Variants in POP1 observed in about 807,000 individuals in gnomAD.
The protein encoded by POP1 is ribonucleases P/MRP protein subunit POP1.
Under a neutral mutation model 102.2 loss-of-function variants are expected in POP1, and 75 were observed. The observed-to-expected ratio is 0.73, with a 90% CI of 0.61 to 0.89. POP1 has a LOEUF of 0.89. Ranked by LOEUF, POP1 falls within the 40% of genes least tolerant of loss-of-function variation. The probability of loss-of-function intolerance (pLI) is 0.00; values close to 1 mark genes in which losing one functional copy is unlikely to be tolerated. For missense variants in POP1, 1,116 were observed against 1,267.4 expected, an observed-to-expected ratio of 0.88 and a Z score of 1.81; for synonymous variants, 436 against 464.1, an observed-to-expected ratio of 0.94 and a Z score of 0.78.
rs531038952 is a variant in POP1 at position 98,131,518 on chromosome 8, C to G, written c.735+1292C>G. Among the ~76,000 whole-genome samples, 3 of 152,208 alleles carry G rather than the reference C, an allele frequency of 2.0e-5. No homozygotes were observed. In the South Asian group the frequency reaches 6.2e-4, roughly 31 times the overall value. Reference sequence around the variant, plus strand: ...CATTTATCTGTCAGTGGACATTTGGCTTACTTCCACCTTTTGGCTATTGTA... The same window carrying G: ...CATTTATCTGTCAGTGGACATTTGGGTTACTTCCACCTTTTGGCTATTGTA... On this transcript the variant is annotated intron_variant, in intron 5 of 15. Transcript: ENST00000401707.
At position 98,153,531 on chromosome 8, in the gene POP1, C is replaced by CCCTTTTTTTTTTTTTTTTTTTTTTT. The variant is rs1430760385; in HGVS notation, c.2058-2519_2058-2518insCCTTTTTTTTTTTTTTTTTTTTTTT. Among the ~76,000 whole-genome samples the CCCTTTTTTTTTTTTTTTTTTTTTTT allele has an allele frequency of 9.8e-5, 8 of 81,236 alleles. 3 individuals are homozygous for CCCTTTTTTTTTTTTTTTTTTTTTTT. The highest frequency in any genetic ancestry group is 2.7e-4 in the Admixed American group (2 of 7,320). 53.3% of individuals were successfully genotyped at this position (81,236 alleles called of 152,430 possible). A position where few individuals can be genotyped will look rare whatever the true frequency, so the allele number is the denominator to read the frequency against. The stretch of plus-strand genomic sequence containing the variant: ...CAACTAGATTTACAAACAGTTCTGA[C>CCCTTTTTTTTTTTTTTTTTTTTTTT]TCTTTTTTTTTTTTTTTTTTTTTTT... On this transcript the variant is annotated intron_variant, in intron 14 of 15. Coordinates refer to ENST00000401707, the MANE Select transcript of POP1 (RefSeq NM_001145860.2).
chr8:98,123,318 G>A lies in POP1; in HGVS notation c.-2-18G>A, dbSNP rs369635935. 2 of 1,611,106 alleles carry A rather than the reference G, an allele frequency of 1.2e-6. No homozygotes were observed. The highest frequency in any genetic ancestry group is 2.7e-5 in the African/African-American group (2 of 74,912). On this transcript the variant is annotated intron_variant, in intron 1 of 15. Coordinates refer to ENST00000401707, the MANE Select transcript of POP1 (RefSeq NM_001145860.2). ...GAAGTTTCCTTTCCCTGTATTAAAT[G>A]TATTACTTCCTTTCCAGAAATGTCA...
chr8:98,132,975 G>A (rs1816424403), intron 5 of POP1, among the ~76,000 whole-genome samples: 1 of 147,602 alleles, frequency 6.8e-6, no homozygotes. Flanking sequence ...CTACCTGGGA[G>A]GCTGAGGCAG....
At chr8:98,155,561 G>C (rs765426674) in intron 14 of POP1, among the ~76,000 whole-genome samples, 40 of 151,714 alleles carry the variant, frequency 2.6e-4, no homozygotes, top group Non-Finnish European at 4.7e-4. Context: ...GGGATTACAA[G>C]CATGAGCCAC....
intron 11 of POP1, among the ~76,000 whole-genome samples, chr8:98,146,073 T>G (rs984290139): frequency 6.6e-6 from 1 of 152,144 alleles, no homozygotes; most frequent in Admixed American, 6.5e-5. Context: ...AGCCAGTAGT[T>G]GAAATATGAC....
chr8:98,139,094 G>A (rs573588194), intron 9 of POP1, among the ~76,000 whole-genome samples: 9 of 152,084 alleles, frequency 5.9e-5, no homozygotes, highest in Middle Eastern at 6.8e-3. Context: ...CAAGTGACCC[G>A]CCTGCCTCGG....
chr8:98,156,021 C>G (rs773820330), intron 14 of POP1, 29 bp from the exon 15 acceptor site: 11 of 1,573,274 alleles, frequency 7.0e-6, no homozygotes, highest in African/African-American at 1.4e-5. Flanking sequence ...AATTGTTCAA[C>G]ATTGGTTCTC....
intron 1 of POP1, among the ~76,000 whole-genome samples, chr8:98,121,512 GTTT>G (rs34259075): frequency 2.5e-5 from 3 of 119,688 alleles, no homozygotes; most frequent in African/African-American, 3.3e-5. Context: ...GGTTACACGG[GTTT>G]TTTTTTTTTT....
chr8:98,133,449 C>T (rs1003690482), intron 5 of POP1, among the ~76,000 whole-genome samples: 14 of 152,060 alleles, frequency 9.2e-5, no homozygotes, highest in African/African-American at 3.4e-4. Context: ...TATCTCTAGG[C>T]TTAGTGTTAA....
chr8:98,117,352 T>C lies in POP1; in HGVS notation c.-41T>C, dbSNP rs1815867391. 1 of 517,352 alleles carries C rather than the reference T, an allele frequency of 1.9e-6. No individual in the cohort carries two copies. Among genetic ancestry groups the C allele is most frequent in the Non-Finnish European group, 3.5e-6 (1 of 286,644 alleles). The allele number at this position is 517,352 out of a possible 1,614,324, so 32.0% of individuals were successfully genotyped here. ...CTCGGTGGGTACTGTCGCGGAGGCT[T>C]GTCATTCTGACCCGGGGATTCCTCA... On this transcript the variant is annotated 5_prime_UTR_variant, in exon 1 of 16. Coordinates refer to ENST00000401707, the MANE Select transcript of POP1 (RefSeq NM_001145860.2).
chr8:98,155,073 C>CA (rs1030906942), intron 14 of POP1, among the ~76,000 whole-genome samples: 20 of 152,000 alleles, frequency 1.3e-4, no homozygotes, highest in Admixed American at 1.3e-3. Flanking sequence ...CACTAGAGGT[C>CA]AAGAGTAAGA....
chr8:98,140,679 C>A, intron 10 of POP1, 90 bp from the exon 11 acceptor site: 1 of 1,389,738 alleles, frequency 7.2e-7, no homozygotes, highest in South Asian at 1.2e-5. Context: ...AAAAACGTTT[C>A]ATTAGGAAAT....
At chr8:98,131,222 A>G (rs1197337820) in intron 5 of POP1, among the ~76,000 whole-genome samples, 2 of 152,194 alleles carry the variant, frequency 1.3e-5, no homozygotes, top group East Asian at 1.9e-4. Context: ...GAACTTTTTT[A>G]TCCTTCCAAA....
At chr8:98,140,689 T>C in intron 10 of POP1, 80 bp from the exon 11 acceptor site, 2 of 1,470,542 alleles carry the variant, frequency 1.4e-6, no homozygotes, top group Non-Finnish European at 1.9e-6. Context: ...CATTAGGAAA[T>C]CTGAAAGATT....
chr8:98,126,392 C>A (rs1816206967), intron 2 of POP1, among the ~76,000 whole-genome samples: 1 of 152,082 alleles, frequency 6.6e-6, no homozygotes, highest in African/African-American at 2.4e-5. Flanking sequence ...GCACATCCGA[C>A]CTCATGTGAT....
chr8:98,123,540 A>G, intron 2 of POP1, 61 bp downstream of exon 2: 1 of 1,527,182 alleles, frequency 6.5e-7, no homozygotes, highest in Non-Finnish European at 9.0e-7. Flanking sequence ...GCACTTTGGG[A>G]GGCTGAAGTG....
At chr8:98,124,678 A>G (rs542076839) in intron 2 of POP1, among the ~76,000 whole-genome samples, 2 of 152,372 alleles carry the variant, frequency 1.3e-5, no homozygotes, top group South Asian at 4.1e-4. Flanking sequence ...CGTATGAAAC[A>G]TGACTACTAT....
At chr8:98,121,756 C>A (rs1816031515) in intron 1 of POP1, among the ~76,000 whole-genome samples, 2 of 151,442 alleles carry the variant, frequency 1.3e-5, no homozygotes, top group Admixed American at 6.6e-5. Context: ...GATCTGGGCT[C>A]ACTGTAAGCT....
chr8:98,129,666 G>A (rs1051840182), intron 4 of POP1, among the ~76,000 whole-genome samples: 4 of 152,148 alleles, frequency 2.6e-5, no homozygotes, highest in African/African-American at 9.7e-5. Flanking sequence ...AATACTAATA[G>A]CCATATTAAG....
Sources: gnomAD v4.1 joint callset for allele counts (sites outside exome capture counted in the v4.1 genomes callset) on GRCh38, gnomAD v4.1.1 for gene constraint, MANE v1.5 for transcripts, NCBI Gene and HGNC (gene_info 2026-07-23, HGNC 2026-07-21) for gene names.